Variants in RFC1 observed in about 807,000 individuals in gnomAD.
The protein encoded by RFC1 is replication factor C subunit 1, also known as A1 140 kDa subunit.
RFC1 carries 37 observed loss-of-function variants against 137.4 expected under a neutral mutation model. The ratio of observed to expected loss-of-function variants is 0.27; its 90% CI spans 0.21 to 0.35. The LOEUF is 0.35. RFC1 is among the 10% of genes least tolerant of loss of function. RFC1 has a pLI of 1.00. For synonymous variants in RFC1, 429 were observed against 455.7 expected, an observed-to-expected ratio of 0.94 and a Z score of 0.75; for missense variants, 1,205 against 1,358.5, an observed-to-expected ratio of 0.89 and a Z score of 1.78.
chr4:39,289,534 G>C (rs2109569508), intron 24 of RFC1: 1 of 245,718 alleles, frequency 4.1e-6, no homozygotes, highest in South Asian at 7.7e-5. Context: ...AGCAACAGAA[G>C]AAACTGTTTT....
At position 39,323,442 on chromosome 4, in the gene RFC1, G is replaced by A. The variant is rs749446334; in HGVS notation, c.643-25C>T. On this transcript the variant is annotated intron_variant, in intron 6 of 24. Coordinates refer to ENST00000349703, the MANE Select transcript of RFC1 (RefSeq NM_002913.5). Reference sequence around the variant, plus strand: ...GCTGTAAAATGTGTCAGCAAAGTGAGTTGAGTTGCTCTTTTTCTTTTCGTA... The same window carrying A: ...GCTGTAAAATGTGTCAGCAAAGTGAATTGAGTTGCTCTTTTTCTTTTCGTA... 9 of 1,597,648 alleles carry A rather than the reference G, an allele frequency of 5.6e-6. 1 individual carries two copies. The South Asian group carries it at 7.7e-5, about 14-fold the overall frequency.
In RFC1 at chr4:39,355,264, T is replaced by TA. The variant is rs920133748; in HGVS notation, c.4-3789dup. Among the ~76,000 whole-genome samples, 1,030 of 137,542 alleles carry TA rather than the reference T, an allele frequency of 7.5e-3. 17 individuals carry two copies. The highest frequency in any genetic ancestry group is 0.024 in the African/African-American group (885 of 37,464). 90.2% of individuals were successfully genotyped at this position (137,542 alleles called of 152,430 possible). ...ACAGGGAGACCCCCATCTCTACAAA[T>TA]AAAAAAAAAAAAATCAGCCTAGTGT... On this transcript the variant is annotated intron_variant, in intron 1 of 24. Coordinates refer to ENST00000349703, the MANE Select transcript of RFC1 (RefSeq NM_002913.5).
chr4:39,364,583 G>A (rs895424948), intron 1 of RFC1, among the ~76,000 whole-genome samples: 12 of 152,302 alleles, frequency 7.9e-5, no homozygotes, highest in African/African-American at 2.6e-4. Context: ...CACAAGCTAT[G>A]TTCACCATAA....
intron 23 of RFC1, among the ~76,000 whole-genome samples, chr4:39,290,317 G>A (rs571887778): frequency 6.6e-6 from 1 of 151,458 alleles, no homozygotes; most frequent in Non-Finnish European, 1.5e-5. Flanking sequence ...AGGTTGCAGT[G>A]AGCTGAGATT....
At chr4:39,328,731 G>C (rs778772891) in intron 4 of RFC1, among the ~76,000 whole-genome samples, 3 of 152,126 alleles carry the variant, frequency 2.0e-5, no homozygotes, top group Non-Finnish European at 4.4e-5. Flanking sequence ...TATAGAACGG[G>C]AATCCACTGG....
chr4:39,332,044 A>G (rs1430065295), intron 4 of RFC1, among the ~76,000 whole-genome samples: 1 of 152,196 alleles, frequency 6.6e-6, no homozygotes, highest in Non-Finnish European at 1.5e-5. Context: ...TCCCTGCACA[A>G]GCTCTCTTCT....
chr4:39,320,087 C>T (rs745685481), intron 9 of RFC1, among the ~76,000 whole-genome samples: 62 of 152,142 alleles, frequency 4.1e-4, no homozygotes, highest in Non-Finnish European at 7.4e-4. Flanking sequence ...CGGTGGCTCA[C>T]ACCTGTAATC....
At chr4:39,339,664 CA>C (rs1236763049) in intron 4 of RFC1, among the ~76,000 whole-genome samples, 1 of 152,032 alleles carries the variant, frequency 6.6e-6, no homozygotes, top group African/African-American at 2.4e-5. Context: ...ATATGATTTG[CA>C]AATTTTTTCC....
At chr4:39,358,893 G>A (rs1460191760) in intron 1 of RFC1, among the ~76,000 whole-genome samples, 2 of 152,092 alleles carry the variant, frequency 1.3e-5, no homozygotes, top group African/African-American at 2.4e-5. Context: ...TGTACATACC[G>A]ATACTTCCTA....
chr4:39,304,685 A>G, intron 15 of RFC1, 129 bp downstream of exon 15: 1 of 688,914 alleles, frequency 1.5e-6, no homozygotes, highest in Non-Finnish European at 2.6e-6. Flanking sequence ...CGGCTTTCTT[A>G]TTCTCTTGTT....
At position 39,321,320 on chromosome 4, in the gene RFC1, T is replaced by A. The variant is rs755402925; in HGVS notation, c.775A>T (p.Ser259Cys). ...ETFSSVQANL[S>C]KAEKHKYPHK... ...GGATATTTATGTTTTTCTGCTTTACTTAAATTGGCTTGGACAGATGAAAAC... is the reference window on the plus strand; with the variant it reads ...GGATATTTATGTTTTTCTGCTTTACATAAATTGGCTTGGACAGATGAAAAC... Residue 259 changes from serine (S) to cysteine (C), a missense_variant, in exon 8 of 25, where the codon AGT becomes TGT. Around this residue, in one of 3 missense-constraint regions of RFC1, gnomAD observed 962 missense variants for 1,035.3 expected, o/e 0.93. Coordinates refer to ENST00000349703, the MANE Select transcript of RFC1 (RefSeq NM_002913.5). The A allele has an allele frequency of 1.5e-5, 24 of 1,613,752 alleles. No individual in the cohort carries two copies. In the South Asian group the frequency reaches 2.5e-4, roughly 17 times the overall value.
At chr4:39,316,825 A>C in intron 10 of RFC1, 90 bp downstream of exon 10, 1 of 729,634 alleles carries the variant, frequency 1.4e-6, no homozygotes, top group Non-Finnish European at 2.3e-6. Flanking sequence ...TTAATTATTA[A>C]TCCTCTGCTG....
At chr4:39,295,848 G>A (rs1175960515) in intron 21 of RFC1, 89 bp from the exon 22 acceptor site, 2 of 1,276,248 alleles carry the variant, frequency 1.6e-6, no homozygotes, top group Admixed American at 2.1e-5. Context: ...GTCTACGGAA[G>A]ATAAAGCAAC....
chr4:39,308,783 T>C lies in RFC1; in HGVS notation c.1738A>G (p.Lys580Glu). 6.2e-7 allele frequency: 1 copy of C among 1,614,172 alleles called. No individual in the cohort carries two copies. Among genetic ancestry groups the C allele is most frequent in the Non-Finnish European group, 8.5e-7 (1 of 1,180,032 alleles). ...RNLADDSSEN[K>E]VENLLWVDKY... ...TCCACCCAGAGCAAATTTTCCACTTTGTTTTCACTGCTGTCATCAGCCAAA... is the reference window on the plus strand; with the variant it reads ...TCCACCCAGAGCAAATTTTCCACTTCGTTTTCACTGCTGTCATCAGCCAAA... Residue 580 changes from lysine to glutamate, a missense_variant, in exon 13 of 25, where the codon AAA becomes GAA. Coordinates refer to ENST00000349703, the MANE Select transcript of RFC1 (RefSeq NM_002913.5).
At chr4:39,294,900 A>G (rs1737899541) in intron 22 of RFC1, among the ~76,000 whole-genome samples, 1 of 152,080 alleles carries the variant, frequency 6.6e-6, no homozygotes. Context: ...GCTACTCAGG[A>G]GGCTGAGGTG....
Position 39,300,394 on chromosome 4 carries a change from C to T in RFC1, c.2556G>A (p.Arg852=), listed in dbSNP as rs1277542212. ...DIKMGPFDVA[R]KVFAAGEETA... is the part of the protein sequence containing the mutation. Reference sequence around the variant, plus strand: ...TCTCCTCTCCAGCTGCAAACACTTTCCGGGCAACATCAAATGGGCCCTGAA... The same window carrying T: ...TCTCCTCTCCAGCTGCAAACACTTTTCGGGCAACATCAAATGGGCCCTGAA... Residue 852 remains arginine, a synonymous_variant, in exon 20 of 25, where the codon CGG becomes CGA. Coordinates refer to ENST00000349703, the MANE Select transcript of RFC1 (RefSeq NM_002913.5). 5 of 1,613,984 alleles carry T rather than the reference C, an allele frequency of 3.1e-6. No individual in the cohort carries two copies. Among genetic ancestry groups the T allele is most frequent in the Non-Finnish European group, 4.2e-6 (5 of 1,179,986 alleles).
chr4:39,319,034 C>G (rs1349154702), intron 9 of RFC1, among the ~76,000 whole-genome samples: 1 of 151,980 alleles, frequency 6.6e-6, no homozygotes, highest in Non-Finnish European at 1.5e-5. Flanking sequence ...ATCATTTTTT[C>G]CTTTAAAAAT....
At chr4:39,340,622 T>G (rs1375557576) in intron 4 of RFC1, among the ~76,000 whole-genome samples, 2 of 152,212 alleles carry the variant, frequency 1.3e-5, no homozygotes, top group Non-Finnish European at 2.9e-5. Context: ...AGCTGCACTT[T>G]TCTTTTTTGA....
intron 4 of RFC1, among the ~76,000 whole-genome samples, chr4:39,332,076 C>T (rs1740132080): frequency 6.6e-6 from 1 of 152,226 alleles, no homozygotes; most frequent in South Asian, 2.1e-4. Flanking sequence ...ACACTTGAGA[C>T]GTGCCTTTCA....
Sources: gnomAD v4.1 joint callset for allele counts (sites outside exome capture counted in the v4.1 genomes callset) on GRCh38, gnomAD v4.1.1 for gene constraint, gnomAD v4.1.1 regional missense constraint, MANE v1.5 for transcripts, NCBI Gene and HGNC (gene_info 2026-07-23, HGNC 2026-07-21) for gene names.